The following SERINC2 variants were observed in gnomAD, a reference collection of about 807,000 sequenced individuals.
The protein encoded by SERINC2 is tumor differentially expressed protein 2.
A neutral mutation model predicts 54.2 loss-of-function variants in SERINC2; 56 were observed. The ratio of observed to expected loss-of-function variants is 1.03; its 90% confidence interval spans 0.83 to 1.29. The LOEUF is 1.29. Ranked by LOEUF, SERINC2 falls within the 50% of genes most tolerant of loss-of-function variation. The pLI, the probability that SERINC2 is intolerant of heterozygous loss-of-function variation, is 0.00. For missense variants in SERINC2, 614 were observed against 607.4 expected (o/e 1.01, Z -0.12); for synonymous variants, 272 against 253.1 (o/e 1.07, Z -0.71).
intron 1 of SERINC2, among the ~76,000 whole-genome samples, chr1:31,417,307 C>T (rs1051150919): frequency 2.0e-5 from 3 of 152,182 alleles, no homozygotes; most frequent in African/African-American, 4.8e-5. Context: ...TCTTCTTTCG[C>T]AATCATTCCC....
At chr1:31,431,791 G>GTGGATAGGA (rs1557499768) in intron 8 of SERINC2, among the ~76,000 whole-genome samples, 3 of 144,098 alleles carry the variant, frequency 2.1e-5, no homozygotes, top group African/African-American at 7.8e-5. Flanking sequence ...GGTGGATAGG[G>GTGGATAGGA]TGGATAGGGT....
upstream of SERINC2, among the ~76,000 whole-genome samples, chr1:31,412,448 T>C (rs142884276): frequency 7.4e-4 from 113 of 152,044 alleles, 2 homozygotes; most frequent in East Asian, 0.021. Flanking sequence ...TGGGAGTCAG[T>C]GGAGTTTGAA....
In SERINC2 at chr1:31,424,532, G is replaced by T. The variant is rs1319218153; in HGVS notation, c.202-151G>T. On this transcript the variant is annotated intron_variant, in intron 2 of 9. Coordinates refer to ENST00000373709, the MANE Select transcript of SERINC2 (RefSeq NM_178865.5). The stretch of plus-strand genomic sequence containing the variant: ...GGAGGCGGAGGCAGTGGAGATAGAG[G>T]TGAGGGGCTCCCCTCCCTGTCTGGT... The T allele has an allele frequency of 4.6e-6, 3 of 650,248 alleles. No homozygotes were observed. The Admixed American group carries it at 9.2e-5, about 20-fold the overall frequency. 40.3% of individuals were successfully genotyped at this position (650,248 alleles called of 1,614,324 possible).
chr1:31,431,882 TGGACAGGGTGGATAGGGTGGA>T, intron 8 of SERINC2, among the ~76,000 whole-genome samples: 2 of 146,634 alleles, frequency 1.4e-5, no homozygotes, highest in African/African-American at 5.0e-5. Context: ...GTGGACAGGG[TGGACAGGGTGGATAGGGTGGA>T]TAGGGTGGAT....
At chr1:31,421,179 A>T (rs537565553) in intron 1 of SERINC2, among the ~76,000 whole-genome samples, 6 of 152,158 alleles carry the variant, frequency 3.9e-5, no homozygotes, top group Non-Finnish European at 8.8e-5. Flanking sequence ...CATGCGAGGG[A>T]TCCAAGTTGC....
chr1:31,419,531 C>A (rs1553132578), intron 1 of SERINC2, among the ~76,000 whole-genome samples: 1 of 152,142 alleles, frequency 6.6e-6, no homozygotes, highest in Admixed American at 6.5e-5. Flanking sequence ...TTGTTATTTT[C>A]AATTTTCCCC....
Position 31,426,700 on chromosome 1 carries a change from C to T in SERINC2, c.657C>T (p.Ala219=), listed in dbSNP as rs782413078. 63 of 1,613,500 alleles carry T rather than the reference C, an allele frequency of 3.9e-5. No homozygotes were observed. Among genetic ancestry groups the T allele is most frequent in the Admixed American group, 3.2e-4 (19 of 59,970 alleles). The part of the protein sequence containing the change: ...TLLFYLLSIA[A]VALMFMYYTE... ...TCTTCTACTTGCTGTCGATCGCGGC[C>T]GTGGCGCTGATGTTCATGTACTACA... The change falls in exon 6 of 10, where the codon GCC becomes GCT. Residue 219 remains alanine, a synonymous_variant. Coordinates refer to ENST00000373709, the MANE Select transcript of SERINC2 (RefSeq NM_178865.5).
chr1:31,426,903 G>C, intron 6 of SERINC2, 80 bp downstream of exon 6: 2 of 1,347,776 alleles, frequency 1.5e-6, no homozygotes, highest in Non-Finnish European at 1.0e-6. Flanking sequence ...GGGTCCTGGG[G>C]CTAGGGCTGT....
At chr1:31,410,322 AC>A, upstream of SERINC2, 1 of 1,544,110 alleles carries the variant, frequency 6.5e-7, no homozygotes, top group Middle Eastern at 1.7e-4. Flanking sequence ...CCATGTCCTC[AC>A]TTCATCTCCT....
Position 31,417,852 on chromosome 1 carries a change from CTTTTTTTTTTT to C in SERINC2, c.39+4560_39+4570del, listed in dbSNP as rs3050463. ...TTATAGCATGTGTCAAAATTTCATT[CTTTTTTTTTTT>C]TTTTTTTTTTTGAGACAGAGTCCTG... On this transcript the variant is annotated intron_variant, in intron 1 of 9. Coordinates refer to ENST00000373709, the MANE Select transcript of SERINC2 (RefSeq NM_178865.5). Among the ~76,000 whole-genome samples, 18 of 95,732 alleles carry C rather than the reference CTTTTTTTTTTT, an allele frequency of 1.9e-4. No individual in the cohort carries two copies. The Admixed American group carries it at 2.7e-3, about 14-fold the overall frequency. The allele number at this position is 95,732 out of a possible 152,430, so 62.8% of individuals were successfully genotyped here. A position where few individuals can be genotyped will look rare whatever the true frequency, so the allele number is the denominator to read the frequency against.
rs1463262019 is a variant in SERINC2 at position 31,433,254 on chromosome 1, G to T, written c.1232+69G>T. ...TGCAGGTCCACACATCTCTCCTGCG[G>T]CCCTTCACTGGGTTTTCCTGATGTC... On this transcript the variant is annotated intron_variant, in intron 9 of 9. Transcript: ENST00000373709. 5 of 1,344,726 alleles carry T rather than the reference G, an allele frequency of 3.7e-6. No individual in the cohort carries two copies. The African/African-American group carries it at 7.2e-5, about 19-fold the overall frequency. 83.3% of individuals were successfully genotyped at this position (1,344,726 alleles called of 1,614,324 possible).
intron 1 of SERINC2, among the ~76,000 whole-genome samples, chr1:31,422,127 C>A (rs12744206): frequency 6.6e-6 from 1 of 151,616 alleles, no homozygotes; most frequent in African/African-American, 2.4e-5. Context: ...GGTGAAACTC[C>A]GTCTCTACAA....
At chr1:31,430,194 T>C (rs1641158566) in intron 8 of SERINC2, among the ~76,000 whole-genome samples, 1 of 152,108 alleles carries the variant, frequency 6.6e-6, no homozygotes, top group Non-Finnish European at 1.5e-5. Flanking sequence ...GTTGAAGGGC[T>C]ATAGATGAAT....
chr1:31,414,683 C>G, intron 1 of SERINC2: 1 of 985,382 alleles, frequency 1.0e-6, no homozygotes, highest in Non-Finnish European at 1.2e-6. Flanking sequence ...CCAAAGAATT[C>G]AAGGTTTGGG....
chr1:31,418,816 C>G (rs1436787601), intron 1 of SERINC2, among the ~76,000 whole-genome samples: 1 of 152,196 alleles, frequency 6.6e-6, no homozygotes, highest in Non-Finnish European at 1.5e-5. Flanking sequence ...TCAGTGACAG[C>G]CTGTTCACAT....
rs1195301947 is a variant in SERINC2 at position 31,413,949 on chromosome 1, G to C, written c.39+645G>C. 12 of 1,526,146 alleles carry C rather than the reference G, an allele frequency of 7.9e-6. No individual in the cohort carries two copies. Among genetic ancestry groups the C allele is most frequent in the Non-Finnish European group, 1.0e-5 (12 of 1,143,140 alleles). The allele number at this position is 1,526,146 out of a possible 1,614,324, so 94.5% of individuals were successfully genotyped here. A position where few individuals can be genotyped will look rare whatever the true frequency, so the allele number is the denominator to read the frequency against. On this transcript the variant is annotated intron_variant, in intron 1 of 9. Transcript: ENST00000373709. This position sits in a 1 kb window ranked among gnomAD's most constrained non-coding sequence, Gnocchi z 5.0. ...CCCTTTACCGTCCTCAGTCTGGCTC[G>C]CGCTGCCTCTCAGGCACTTCCCCAG...
chr1:31,420,022 C>T (rs1640868933), intron 1 of SERINC2, among the ~76,000 whole-genome samples: 1 of 152,072 alleles, frequency 6.6e-6, no homozygotes, highest in East Asian at 1.9e-4. Context: ...AATTTTTCCC[C>T]CTATTATTTT....
chr1:31,417,000 A>G (rs559876044), intron 1 of SERINC2, among the ~76,000 whole-genome samples: 5 of 152,362 alleles, frequency 3.3e-5, no homozygotes, highest in African/African-American at 1.2e-4. Context: ...GATTACAGGC[A>G]TGAGCCACCA....
rs538457517 is a variant in SERINC2 at position 31,433,251 on chromosome 1, G to A, written c.1232+66G>A. 1.0e-5 allele frequency: 14 copies of A among 1,389,806 alleles called. No homozygotes were observed. In the African/African-American group the frequency reaches 1.7e-4, roughly 17 times the overall value. 86.1% of individuals were successfully genotyped at this position (1,389,806 alleles called of 1,614,324 possible). Reference sequence around the variant, plus strand: ...GGGTGCAGGTCCACACATCTCTCCTGCGGCCCTTCACTGGGTTTTCCTGAT... The same window carrying A: ...GGGTGCAGGTCCACACATCTCTCCTACGGCCCTTCACTGGGTTTTCCTGAT... On this transcript the variant is annotated intron_variant, in intron 9 of 9. Coordinates refer to ENST00000373709, the MANE Select transcript of SERINC2 (RefSeq NM_178865.5).
Sources: gnomAD v4.1 joint callset for allele counts (sites outside exome capture counted in the v4.1 genomes callset) on GRCh38, gnomAD v4.1.1 for gene constraint, Gnocchi (gnomAD v3.1) non-coding constraint, MANE v1.5 for transcripts, NCBI Gene and HGNC (gene_info 2026-07-23, HGNC 2026-07-21) for gene names.